The following AGBL4 variants were observed in gnomAD, a reference collection of about 807,000 sequenced individuals.
The protein encoded by AGBL4 is cytosolic carboxypeptidase 6.
In AGBL4, 58 loss-of-function variants were observed where a neutral mutation model predicts 66.4. The ratio of observed to expected loss-of-function variants is 0.87; its 90% confidence interval spans 0.71 to 1.09. AGBL4 has a LOEUF of 1.09. Among genes scored for constraint, AGBL4 ranks in the 50% least tolerant of loss-of-function variants. The pLI is 0.00. For missense variants in AGBL4, 579 were observed against 631.0 expected (o/e 0.92, Z 0.88); for synonymous variants, 234 against 222.9 (o/e 1.05, Z -0.44).
At chr1:49,015,581 C>A (rs1662758213) in intron 5 of AGBL4, among the ~76,000 whole-genome samples, 1 of 151,726 alleles carries the variant, frequency 6.6e-6, no homozygotes, top group Non-Finnish European at 1.5e-5. Context: ...CGCCACCACG[C>A]CTGGCTAATT....
chr1:48,714,559 C>A (rs1468880732), intron 6 of AGBL4, among the ~76,000 whole-genome samples: 1 of 152,228 alleles, frequency 6.6e-6, no homozygotes, highest in African/African-American at 2.4e-5. Flanking sequence ...GACTATTAAG[C>A]CCCCTCGTTT....
At chr1:48,971,909 C>T (rs1042077235) in intron 5 of AGBL4, among the ~76,000 whole-genome samples, 2 of 152,232 alleles carry the variant, frequency 1.3e-5, no homozygotes, top group Middle Eastern at 6.8e-3. Flanking sequence ...TGGGGCAGTG[C>T]GCCCAATCTC....
At chr1:49,938,965 C>A (rs1002515990) in intron 1 of AGBL4, among the ~76,000 whole-genome samples, 11 of 151,974 alleles carry the variant, frequency 7.2e-5, no homozygotes, top group Non-Finnish European at 1.5e-4. Flanking sequence ...ACTGGCTCAG[C>A]CCAAAATCTC....
downstream of AGBL4, among the ~76,000 whole-genome samples, chr1:48,529,896 A>G (rs192665555): frequency 6.6e-6 from 1 of 152,130 alleles, no homozygotes; most frequent in African/African-American, 2.4e-5. Flanking sequence ...AGTGCCTAGA[A>G]GAAGGTCAGA....
intron 2 of AGBL4, among the ~76,000 whole-genome samples, chr1:49,768,857 T>A (rs1001817873): frequency 9.6e-5 from 14 of 145,448 alleles, no homozygotes; most frequent in African/African-American, 3.2e-4. Flanking sequence ...AATCAGGACT[T>A]TTTTTTTTTT....
chr1:49,946,538 C>A (rs966728367), intron 1 of AGBL4, among the ~76,000 whole-genome samples: 3 of 151,702 alleles, frequency 2.0e-5, no homozygotes, highest in Non-Finnish European at 4.4e-5. Flanking sequence ...CCTATCAAAA[C>A]CTCTGGGATA....
chr1:49,515,206 C>A (rs917108803), intron 3 of AGBL4, among the ~76,000 whole-genome samples: 2 of 152,058 alleles, frequency 1.3e-5, no homozygotes, highest in African/African-American at 4.8e-5. Flanking sequence ...AAACAAACAA[C>A]CCTATCAAAA....
intron 3 of AGBL4, among the ~76,000 whole-genome samples, chr1:49,413,217 G>A (rs576960166): frequency 6.6e-6 from 1 of 152,264 alleles, no homozygotes. Context: ...GTTTAGCACT[G>A]AGTAAGTAAT....
At chr1:48,786,105 A>G (rs979640806) in intron 6 of AGBL4, among the ~76,000 whole-genome samples, 1 of 152,192 alleles carries the variant, frequency 6.6e-6, no homozygotes, top group Admixed American at 6.5e-5. Flanking sequence ...TCTCAGAAGT[A>G]TGCAGCAAAC....
At chr1:48,763,643 A>C (rs560364298) in intron 6 of AGBL4, among the ~76,000 whole-genome samples, 1 of 152,238 alleles carries the variant, frequency 6.6e-6, no homozygotes, top group Admixed American at 6.5e-5. Flanking sequence ...ATTAGAAATG[A>C]CAAGCTATGC....
chr1:49,777,235 AAAT>A (rs1429921214), intron 2 of AGBL4, among the ~76,000 whole-genome samples: 1 of 152,092 alleles, frequency 6.6e-6, no homozygotes, highest in African/African-American at 2.4e-5. Flanking sequence ...TCAGATTTGA[AAAT>A]AATAATCATT....
chr1:49,992,500 C>T (rs1232767379), intron 1 of AGBL4, among the ~76,000 whole-genome samples: 2 of 151,596 alleles, frequency 1.3e-5, no homozygotes, highest in African/African-American at 2.4e-5. Context: ...ATAATGGCCA[C>T]AAAACAGCCA....
intron 6 of AGBL4, among the ~76,000 whole-genome samples, chr1:48,714,764 C>A (rs973844163): frequency 2.0e-5 from 3 of 152,212 alleles, no homozygotes; most frequent in African/African-American, 7.2e-5. Flanking sequence ...CAGGTCCTAG[C>A]CCCGACCACC....
chr1:50,012,915 A>G (rs2148439928), intron 1 of AGBL4, among the ~76,000 whole-genome samples: 1 of 152,322 alleles, frequency 6.6e-6, no homozygotes, highest in African/African-American at 2.4e-5. Flanking sequence ...TAATAAAAGG[A>G]AAAAAACATG....
At chr1:48,794,617 T>A (rs1645626044) in intron 6 of AGBL4, among the ~76,000 whole-genome samples, 1 of 152,202 alleles carries the variant, frequency 6.6e-6, no homozygotes, top group South Asian at 2.1e-4. Flanking sequence ...GCATTCACAC[T>A]GTTGACCTTG....
chr1:49,450,472 C>T (rs1646254607), intron 3 of AGBL4, among the ~76,000 whole-genome samples: 1 of 152,014 alleles, frequency 6.6e-6, no homozygotes, highest in Non-Finnish European at 1.5e-5. Flanking sequence ...GCACAAGTGG[C>T]TATAGTTCCC....
chr1:48,817,922 G>T, intron 6 of AGBL4: 1 of 629,830 alleles, frequency 1.6e-6, no homozygotes, highest in Non-Finnish European at 2.9e-6. Flanking sequence ...AATGGTGGAG[G>T]CTGTGTAGTC....
chr1:49,417,674 G>C (rs916764904), intron 3 of AGBL4, among the ~76,000 whole-genome samples: 1 of 152,090 alleles, frequency 6.6e-6, no homozygotes, highest in African/African-American at 2.4e-5. Flanking sequence ...ACCTCATAAT[G>C]TGTCCCATTC....
intron 2 of AGBL4, among the ~76,000 whole-genome samples, chr1:49,769,990 T>G (rs184458651): frequency 1.3e-5 from 2 of 152,312 alleles, no homozygotes; most frequent in East Asian, 3.9e-4. Context: ...AAAGAGCTTA[T>G]GCACACCAGA....
Sources: allele counts gnomAD v4.1 joint callset (sites outside exome capture counted in the v4.1 genomes callset), GRCh38; gene constraint gnomAD v4.1.1; transcripts MANE v1.5; gene names NCBI Gene and HGNC (gene_info 2026-07-23, HGNC 2026-07-21).